The following YBX1 variants were observed in gnomAD, a reference collection of about 807,000 sequenced individuals.
YBX1 encodes Y-box-binding protein 1.
YBX1 carries 3 observed loss-of-function variants against 41.4 expected under a neutral mutation model. That is an observed-to-expected ratio of 0.07 (90% CI 0.03 to 0.19). The LOEUF is 0.19. Among genes scored for constraint, YBX1 ranks in the 10% least tolerant of loss-of-function variants. The probability of loss-of-function intolerance (pLI) is 1.00; values close to 1 mark genes in which losing one functional copy is unlikely to be tolerated. For missense variants in YBX1, 274 were observed against 462.8 expected, an observed-to-expected ratio of 0.59 and a Z score of 3.74; for synonymous variants, 133 against 165.8, an observed-to-expected ratio of 0.80 and a Z score of 1.52.
At chr1:42,690,422 A>C (rs1469174687) in intron 2 of YBX1, among the ~76,000 whole-genome samples, 3 of 152,148 alleles carry the variant, frequency 2.0e-5, no homozygotes, top group African/African-American at 7.2e-5. Context: ...ACACTAACCC[A>C]ATGAATAAGA....
At chr1:42,689,287 T>TA (rs1415364311) in intron 2 of YBX1, among the ~76,000 whole-genome samples, 1 of 152,214 alleles carries the variant, frequency 6.6e-6, no homozygotes, top group Non-Finnish European at 1.5e-5. Context: ...ATTATTATCT[T>TA]ACAGTCATCT....
intron 6 of YBX1, among the ~76,000 whole-genome samples, chr1:42,699,966 C>T (rs940242506): frequency 2.0e-5 from 3 of 152,004 alleles, no homozygotes; most frequent in African/African-American, 7.3e-5. Context: ...GTAATAACTG[C>T]AGTAAGAAAA....
chr1:42,687,095 T>G (rs1407867224), intron 2 of YBX1, among the ~76,000 whole-genome samples: 1 of 152,224 alleles, frequency 6.6e-6, no homozygotes, highest in African/African-American at 2.4e-5. Context: ...TGCCTTTCAC[T>G]ATCTACTTTG....
In YBX1 at chr1:42,682,634, C is replaced by T. The variant is rs1160845179; in HGVS notation, c.69C>T (p.Ala23=). 7 of 1,404,536 alleles carry T rather than the reference C, an allele frequency of 5.0e-6. No homozygotes were observed. Among genetic ancestry groups the T allele is most frequent in the African/African-American group, 3.0e-5 (2 of 66,476 alleles). 87.0% of individuals were successfully genotyped at this position (1,404,536 alleles called of 1,614,324 possible). ...CCGCCGCCCCCGCCCTCAGCGCCGC[C>T]GACACCAAGCCCGGCACTACGGGCA... ...APPAAPALSA[A]DTKPGTTGSG... is the part of the protein sequence containing the mutation. Residue 23 remains alanine (A), a synonymous_variant, in exon 1 of 8, where the codon GCC becomes GCT. Transcript: ENST00000321358.
At chr1:42,699,658 A>C (rs1650546255) in intron 6 of YBX1, among the ~76,000 whole-genome samples, 1 of 151,714 alleles carries the variant, frequency 6.6e-6, no homozygotes, top group Non-Finnish European at 1.5e-5. Context: ...ATGGAGTTGC[A>C]CTGTGTTACT....
rs893009296 is a variant in YBX1, at chr1:42,683,031, C to T, written c.166+300C>T. 5 of 389,862 alleles carry T rather than the reference C, an allele frequency of 1.3e-5. No individual in the cohort carries two copies. In the Admixed American group the frequency reaches 1.6e-4, roughly 12 times the overall value. The allele number at this position is 389,862 out of a possible 1,614,324, so 24.2% of individuals were successfully genotyped here. A position where few individuals can be genotyped will look rare whatever the true frequency, so the allele number is the denominator to read the frequency against. On this transcript the variant is annotated intron_variant, in intron 1 of 7. Coordinates refer to ENST00000321358, the MANE Select transcript of YBX1 (RefSeq NM_004559.5). ...CCTCCCCGCCGACCGGCCTCGTGCG[C>T]TCGGGCCCGCACGCCGTTGTTCGCG...
Position 42,696,476 on chromosome 1 carries a change from T to G in YBX1, c.355-166T>G, listed in dbSNP as rs1197933013. 6.6e-6 allele frequency among the ~76,000 whole-genome samples: 1 copy of G among 151,500 alleles called. No individual in the cohort carries two copies. The highest frequency in any genetic ancestry group is 1.5e-5 in the Non-Finnish European group (1 of 67,948). On this transcript the variant is annotated intron_variant, in intron 4 of 7. Transcript: ENST00000321358. The surrounding 1 kb of genome is among the most constrained non-coding windows in gnomAD (Gnocchi z 5.7). ...TTCAGAACAGTGAGGAACTGATATT[T>G]AGTCATTTCTGTGCACCCCTGGTCA...
chr1:42,696,492 C>A lies in YBX1; in HGVS notation c.355-150C>A. The A allele has an allele frequency of 1.0e-6, 1 of 986,776 alleles. No individual in the cohort carries two copies. 61.1% of individuals were successfully genotyped at this position (986,776 alleles called of 1,614,324 possible). ...ACTGATATTTAGTCATTTCTGTGCA[C>A]CCCTGGTCACGCAGTTGCGCCCCCC... is the stretch of plus-strand genomic sequence containing the variant. On this transcript the variant is annotated intron_variant, in intron 4 of 7. Coordinates refer to ENST00000321358, the MANE Select transcript of YBX1 (RefSeq NM_004559.5). This position sits in a 1 kb window ranked among gnomAD's most constrained non-coding sequence, Gnocchi z 5.7.
chr1:42,693,426 T>G (rs372317605), intron 2 of YBX1, 64 bp from the exon 3 acceptor site: 21 of 1,596,086 alleles, frequency 1.3e-5, no homozygotes, highest in Non-Finnish European at 1.8e-5. Flanking sequence ...CTGGGAAAAT[T>G]AATCTTTGAC....
chr1:42,701,538 T>TTC (rs371056693), intron 7 of YBX1, among the ~76,000 whole-genome samples: 1 of 151,908 alleles, frequency 6.6e-6, no homozygotes, highest in South Asian at 2.1e-4. Flanking sequence ...GTTTTTTTTT[T>TTC]TTGTTGGTTT....
chr1:42,693,362 T>C (rs1186546901), intron 2 of YBX1, 128 bp from the exon 3 acceptor site: 11 of 960,026 alleles, frequency 1.1e-5, no homozygotes, highest in African/African-American at 1.6e-5. Context: ...TGGTGGCTTG[T>C]GTTTTTTGAT....
chr1:42,689,081 C>T (rs1650267412), intron 2 of YBX1, among the ~76,000 whole-genome samples: 1 of 152,130 alleles, frequency 6.6e-6, no homozygotes, highest in Non-Finnish European at 1.5e-5. Flanking sequence ...CTGAGTTATT[C>T]AAGGATACAC....
intron 3 of YBX1, among the ~76,000 whole-genome samples, chr1:42,695,876 A>G (rs1182849709): frequency 6.6e-6 from 1 of 152,224 alleles, no homozygotes; most frequent in Admixed American, 6.5e-5. Flanking sequence ...GGATAGATGG[A>G]TATCCTCATT....
rs1211112869 is a variant in YBX1 at position 42,703,634 on chromosome 1, G to A, written c.*1685G>A. On this transcript the variant is annotated 3_prime_UTR_variant, in exon 8 of 8. Coordinates refer to ENST00000321358, the MANE Select transcript of YBX1 (RefSeq NM_004559.5). ...ATCTAAACTGTTACTTACAACTGCA[G>A]ACGCACACAGTCCCTGACTTAAACA... Among the ~76,000 whole-genome samples the A allele has an allele frequency of 6.6e-6, 1 of 152,170 alleles. No homozygotes were observed. The highest frequency in any genetic ancestry group is 6.5e-5 in the Admixed American group (1 of 15,278).
At chr1:42,693,253 C>A (rs1293152051) in intron 2 of YBX1, among the ~76,000 whole-genome samples, 1 of 149,986 alleles carries the variant, frequency 6.7e-6, no homozygotes, top group Non-Finnish European at 1.5e-5. Flanking sequence ...CTCAGTAGGT[C>A]ACACTTTAAT....
Position 42,696,954 on chromosome 1 carries a change from A to G in YBX1, c.657+10A>G. 1 of 1,545,638 alleles carries G rather than the reference A, an allele frequency of 6.5e-7. No homozygotes were observed. Among genetic ancestry groups the G allele is most frequent in the Middle Eastern group, 1.8e-4 (1 of 5,714 alleles). ...GGGAGAAGTGATGGAGGTAAGTTTCACCATCAACAACAGCAATGTGATAAG... is the reference window on the plus strand; with the variant it reads ...GGGAGAAGTGATGGAGGTAAGTTTCGCCATCAACAACAGCAATGTGATAAG... On this transcript the variant is annotated intron_variant, in intron 5 of 7. Transcript: ENST00000321358. This position sits in a 1 kb window ranked among gnomAD's most constrained non-coding sequence, Gnocchi z 5.7.
chr1:42,698,226 G>C (rs958890955), intron 6 of YBX1, among the ~76,000 whole-genome samples: 2 of 152,224 alleles, frequency 1.3e-5, no homozygotes, highest in African/African-American at 4.8e-5. Flanking sequence ...AGGGAATCTA[G>C]TCGAGGTTGT....
intron 6 of YBX1, among the ~76,000 whole-genome samples, chr1:42,699,384 ATCATAAATTAGAAGTGAGT>A (rs1177940777): frequency 6.6e-6 from 1 of 152,210 alleles, no homozygotes; most frequent in Non-Finnish European, 1.5e-5. Flanking sequence ...TAGGATAACG[ATCATAAATTAGAAGTGAGT>A]TCACCCAGCT....
intron 2 of YBX1, among the ~76,000 whole-genome samples, chr1:42,690,553 A>C (rs1459803965): frequency 6.6e-6 from 1 of 152,208 alleles, no homozygotes; most frequent in Non-Finnish European, 1.5e-5. Context: ...CACTCCTGTG[A>C]CCTGCAAATC....
Sources: allele counts gnomAD v4.1 joint callset (sites outside exome capture counted in the v4.1 genomes callset), GRCh38; gene constraint gnomAD v4.1.1; non-coding constraint Gnocchi (gnomAD v3.1); transcripts MANE v1.5; gene names NCBI Gene and HGNC (gene_info 2026-07-23, HGNC 2026-07-21).